Variants in RNF10 observed in about 807,000 individuals in gnomAD.
RNF10 encodes E3 ubiquitin-protein ligase RNF10.
Under a neutral mutation model 91.4 loss-of-function variants are expected in RNF10, and 38 were observed. That is an observed-to-expected ratio of 0.42 (90% CI 0.32 to 0.54). The LOEUF (loss-of-function observed/expected upper bound fraction) is 0.54. Ranked by LOEUF, RNF10 falls within the 20% of genes least tolerant of loss-of-function variation. RNF10 has a pLI of 0.16. For missense variants in RNF10, 945 were observed against 1,012.0 expected, an observed-to-expected ratio of 0.93 and a Z score of 0.90; for synonymous variants, 364 against 366.3, an observed-to-expected ratio of 0.99 and a Z score of 0.07.
At chr12:120,535,422 C>T (rs1347602526) in intron 1 of RNF10, 2 of 152,638 alleles carry the variant, frequency 1.3e-5, no homozygotes, top group African/African-American at 4.8e-5. Context: ...TATTTAATAA[C>T]CTGGTCCCAG....
intron 14 of RNF10, among the ~76,000 whole-genome samples, chr12:120,573,666 C>A (rs899876482): frequency 4.0e-5 from 6 of 151,842 alleles, no homozygotes; most frequent in Non-Finnish European, 7.4e-5. Flanking sequence ...CAGGCTGCTT[C>A]CACTCATGGT....
chr12:120,561,973 G>A (rs1254262871), intron 7 of RNF10, among the ~76,000 whole-genome samples: 1 of 152,096 alleles, frequency 6.6e-6, no homozygotes, highest in Non-Finnish European at 1.5e-5. Context: ...GAAGTTTTTT[G>A]TATAGTGTTG....
intron 2 of RNF10, 38 bp from the exon 3 acceptor site, chr12:120,552,461 C>T: frequency 6.4e-7 from 1 of 1,555,174 alleles, no homozygotes; most frequent in Non-Finnish European, 8.8e-7. Flanking sequence ...TCAGTGTCAT[C>T]CTAATCTGAA....
At chr12:120,551,592 C>A (rs1454061386) in intron 2 of RNF10, among the ~76,000 whole-genome samples, 1 of 151,734 alleles carries the variant, frequency 6.6e-6, no homozygotes, top group Non-Finnish European at 1.5e-5. Flanking sequence ...AGCTACTATT[C>A]CTGGTCACCC....
intron 2 of RNF10, among the ~76,000 whole-genome samples, chr12:120,548,729 G>T (rs1217161454): frequency 1.3e-5 from 2 of 148,234 alleles, no homozygotes; most frequent in East Asian, 2.0e-4. Flanking sequence ...GCGCAATCTC[G>T]GCTCACTGCA....
rs375902863 is a variant in RNF10 at position 120,575,853 on chromosome 12, C to T, written c.2262C>T (p.Asp754=). The part of the protein sequence containing the change: ...VDSDGESDNS[D]RVPVPSFQNS... ...GCGACGGGGAGAGTGATAATTCAGA[C>T]CGTGTTCCTGTGCCCAGTTTTCAAA... The change falls in exon 16 of 17, where the codon GAC becomes GAT. Residue 754 remains aspartate, a synonymous_variant. Transcript: ENST00000325954. 5.0e-6 allele frequency: 8 copies of T among 1,614,076 alleles called. No individual in the cohort carries two copies. In the African/African-American group the frequency reaches 1.1e-4, roughly 22 times the overall value.
rs924481747 is a variant in RNF10 at position 120,577,233 on chromosome 12, G to A, written c.*567G>A. 2 of 449,710 alleles carry A rather than the reference G, an allele frequency of 4.4e-6. No homozygotes were observed. Among genetic ancestry groups the A allele is most frequent in the Non-Finnish European group, 8.9e-6 (2 of 224,596 alleles). 27.9% of individuals were successfully genotyped at this position (449,710 alleles called of 1,614,324 possible). ...CAGGCTGTGGTGCCAGCTTAATGGA[G>A]TAGGCTGTCCTTGGCACTTGCATGT... is the stretch of plus-strand genomic sequence containing the variant. On this transcript the variant is annotated 3_prime_UTR_variant, in exon 17 of 17. Transcript: ENST00000325954.
intron 1 of RNF10, among the ~76,000 whole-genome samples, chr12:120,543,950 G>A (rs963764520): frequency 1.3e-5 from 2 of 151,796 alleles, no homozygotes; most frequent in Non-Finnish European, 2.9e-5. Flanking sequence ...AAAACATGCT[G>A]GGCATGGTGG....
chr12:120,573,691 G>A (rs1344076960), intron 14 of RNF10, among the ~76,000 whole-genome samples: 2 of 152,150 alleles, frequency 1.3e-5, no homozygotes, highest in Admixed American at 6.5e-5. Flanking sequence ...GAAGTGAAGG[G>A]GTCCCTGCTT....
In RNF10 at chr12:120,552,497, A is replaced by G; in HGVS notation, c.355-2A>G. 6.2e-7 allele frequency: 1 copy of G among 1,612,148 alleles called. No homozygotes were observed. The highest frequency in any genetic ancestry group is 8.5e-7 in the Non-Finnish European group (1 of 1,178,292). ...ATACTGATTCATTCTCATTCTCTCTAGGTAGCAGAGGCTCAACGGGCAGAG... is the reference window on the plus strand; with the variant it reads ...ATACTGATTCATTCTCATTCTCTCTGGGTAGCAGAGGCTCAACGGGCAGAG... On this transcript the variant is annotated splice_acceptor_variant, in intron 2 of 16. Transcript: ENST00000325954. LOFTEE classifies it high-confidence loss of function.
intron 7 of RNF10, among the ~76,000 whole-genome samples, chr12:120,561,150 G>A (rs565815526): frequency 4.6e-5 from 7 of 152,190 alleles, no homozygotes; most frequent in Non-Finnish European, 8.8e-5. Context: ...AAGTCAAAAT[G>A]ATTTTATAAC....
At chr12:120,565,910 G>T (rs1386065074) in intron 12 of RNF10, among the ~76,000 whole-genome samples, 4 of 152,232 alleles carry the variant, frequency 2.6e-5, no homozygotes, top group African/African-American at 9.6e-5. Flanking sequence ...AGGTGGGTCT[G>T]ATAAGATGGA....
Position 120,562,930 on chromosome 12 carries a change from C to T in RNF10, c.1129-15C>T. 3 of 1,613,784 alleles carry T rather than the reference C, an allele frequency of 1.9e-6. No individual in the cohort carries two copies. Among genetic ancestry groups the T allele is most frequent in the Non-Finnish European group, 2.5e-6 (3 of 1,179,836 alleles). On this transcript the variant is annotated splice_polypyrimidine_tract_variant and intron_variant, in intron 7 of 16. Transcript: ENST00000325954. ...GAAACTTAACCTTCTCTGGTGTTCT[C>T]TCTGGCCACGTTAGACTCGGGAAGA...
In RNF10 at chr12:120,571,222, C is replaced by T; in HGVS notation, c.2073C>T (p.Ala691=). Residue 691 remains alanine, a synonymous_variant, in exon 14 of 17, where the codon GCC becomes GCT. Coordinates refer to ENST00000325954, the MANE Select transcript of RNF10 (RefSeq NM_014868.5). ...DFLLTPLSPT[A]SQGSPSFCVG... ...TGCTGACCCCTCTGTCACCCACTGCCAGTCAGGGCAGTCCCTCATTCTGCG... is the reference window on the plus strand; with the variant it reads ...TGCTGACCCCTCTGTCACCCACTGCTAGTCAGGGCAGTCCCTCATTCTGCG... 1.9e-6 allele frequency: 3 copies of T among 1,614,004 alleles called. No individual in the cohort carries two copies. Among genetic ancestry groups the T allele is most frequent in the Non-Finnish European group, 8.5e-7 (1 of 1,179,950 alleles).
chr12:120,538,413 T>G (rs1871130310), intron 1 of RNF10, among the ~76,000 whole-genome samples: 1 of 152,184 alleles, frequency 6.6e-6, no homozygotes, highest in African/African-American at 2.4e-5. Context: ...ATATGTAAAT[T>G]TGGCTACCAG....
At chr12:120,567,372 A>G (rs1761798369) in intron 13 of RNF10, among the ~76,000 whole-genome samples, 1 of 151,810 alleles carries the variant, frequency 6.6e-6, no homozygotes, top group Non-Finnish European at 1.5e-5. Flanking sequence ...TACCAATAAG[A>G]AAATGACTAA....
chr12:120,563,597 G>A lies in RNF10; in HGVS notation c.1505G>A (p.Ser502Asn). The change falls in exon 9 of 17, where the codon AGC becomes AAC. Residue 502 changes from serine (S) to asparagine (N), a missense_variant. Ser to Asn is a conservative substitution (Grantham distance 46, BLOSUM62 1). Transcript: ENST00000325954. ...AAGTCAGGCTTCACACGCCTCAGCA[G>A]CTCTCCTTGTTACTACTTTTACCAA... Reference protein sequence around the residue: ...ITKSGFTRLSSSPCYYFYQAE... With the variant: ...ITKSGFTRLSNSPCYYFYQAE... 1 of 1,607,334 alleles carries A rather than the reference G, an allele frequency of 6.2e-7. No homozygotes were observed. The highest frequency in any genetic ancestry group is 8.5e-7 in the Non-Finnish European group (1 of 1,176,452).
intron 2 of RNF10, among the ~76,000 whole-genome samples, chr12:120,549,345 A>G (rs977170346): frequency 2.0e-5 from 3 of 152,182 alleles, no homozygotes; most frequent in Non-Finnish European, 4.4e-5. Context: ...ACTTCCAGGC[A>G]CATGAGGGTC....
At chr12:120,570,079 G>T (rs1056710108) in intron 13 of RNF10, 45 of 151,154 alleles carry the variant, frequency 3.0e-4, no homozygotes, top group African/African-American at 1.0e-3. Flanking sequence ...TAGAGATGGG[G>T]TTTCACCGTG....
Sources: gnomAD v4.1 joint callset for allele counts (sites outside exome capture counted in the v4.1 genomes callset) on GRCh38, gnomAD v4.1.1 for gene constraint, MANE v1.5 for transcripts, NCBI Gene and HGNC (gene_info 2026-07-23, HGNC 2026-07-21) for gene names.